TMC1: variants seen among roughly 807,000 people sequenced by gnomAD.
TMC1 encodes the protein transmembrane channel like 1, also known as transmembrane channel-like protein 1.
Under a neutral mutation model 105.8 loss-of-function variants are expected in TMC1, and 84 were observed. The ratio of observed to expected loss-of-function variants is 0.79; its 90% confidence interval spans 0.67 to 0.95. TMC1 has a LOEUF of 0.95. TMC1 is among the 40% of genes least tolerant of loss of function. The pLI, the probability that TMC1 is intolerant of heterozygous loss-of-function variation, is 0.00. For missense variants in TMC1, 817 were observed against 914.1 expected (o/e 0.89, Z 1.37); for synonymous variants, 315 against 311.5 (o/e 1.01, Z -0.12).
intron 1 of TMC1, among the ~76,000 whole-genome samples, chr9:72,575,317 A>C (rs1383609501): frequency 6.6e-6 from 1 of 152,100 alleles, no homozygotes; most frequent in East Asian, 1.9e-4. Flanking sequence ...AGTAGCTAGG[A>C]CTACAGGCAC....
chr9:72,549,179 C>G (rs999980890), intron 1 of TMC1, among the ~76,000 whole-genome samples: 3 of 152,224 alleles, frequency 2.0e-5, no homozygotes, highest in African/African-American at 7.2e-5. Context: ...TTATTGTACA[C>G]TCATGTATTC....
chr9:72,690,864 C>T (rs1826453992), intron 6 of TMC1, among the ~76,000 whole-genome samples: 1 of 151,986 alleles, frequency 6.6e-6, no homozygotes, highest in Admixed American at 6.6e-5. Flanking sequence ...ATTTTCTTTC[C>T]CAGATTTGGG....
intron 18 of TMC1, among the ~76,000 whole-genome samples, chr9:72,808,231 GCTT>G (rs1250473963): frequency 6.6e-6 from 1 of 152,090 alleles, no homozygotes; most frequent in Non-Finnish European, 1.5e-5. Context: ...GTTCACATGG[GCTT>G]CTTTTTATGC....
chr9:72,626,979 G>A (rs1160269107), intron 3 of TMC1, among the ~76,000 whole-genome samples: 1 of 148,558 alleles, frequency 6.7e-6, no homozygotes, highest in Non-Finnish European at 1.5e-5. Flanking sequence ...TATTTTTAAT[G>A]TTATACTTTA....
intron 17 of TMC1, among the ~76,000 whole-genome samples, chr9:72,792,898 A>G (rs888409699): frequency 6.6e-6 from 1 of 152,194 alleles, no homozygotes; most frequent in African/African-American, 2.4e-5. Context: ...AACTTGACCC[A>G]TGGAGAGCAG....
At chr9:72,681,243 A>G (rs759534283) in intron 5 of TMC1, among the ~76,000 whole-genome samples, 1 of 152,148 alleles carries the variant, frequency 6.6e-6, no homozygotes, top group Non-Finnish European at 1.5e-5. Flanking sequence ...CTGAATATAT[A>G]TTATGACAGC....
intron 3 of TMC1, among the ~76,000 whole-genome samples, chr9:72,622,793 G>C (rs1422579128): frequency 6.6e-6 from 1 of 152,094 alleles, no homozygotes; most frequent in Non-Finnish European, 1.5e-5. Flanking sequence ...GTTCATGCCT[G>C]TAATCCCAGC....
At chr9:72,702,981 G>GT (rs895129348) in intron 8 of TMC1, among the ~76,000 whole-genome samples, 19 of 151,826 alleles carry the variant, frequency 1.3e-4, no homozygotes, top group Non-Finnish European at 1.8e-4. Flanking sequence ...CTAGACATAG[G>GT]TTTTTTTATT....
chr9:72,819,818 T>A (rs1828840729), intron 19 of TMC1, among the ~76,000 whole-genome samples: 1 of 152,234 alleles, frequency 6.6e-6, no homozygotes, highest in African/African-American at 2.4e-5. Context: ...TAGGACAGTT[T>A]AAAAGACAGG....
At chr9:72,714,035 C>T (rs1297061550) in intron 8 of TMC1, among the ~76,000 whole-genome samples, 1 of 152,242 alleles carries the variant, frequency 6.6e-6, no homozygotes, top group East Asian at 1.9e-4. Flanking sequence ...ACCCAGTAGT[C>T]ATTTAGGAAC....
At chr9:72,561,871 A>C (rs920449782) in intron 1 of TMC1, among the ~76,000 whole-genome samples, 1 of 152,110 alleles carries the variant, frequency 6.6e-6, no homozygotes, top group African/African-American at 2.4e-5. Context: ...AGCGGGGTGC[A>C]GTGGCTCAAG....
intron 1 of TMC1, among the ~76,000 whole-genome samples, chr9:72,558,461 A>G (rs1823982628): frequency 6.6e-6 from 1 of 152,192 alleles, no homozygotes; most frequent in African/African-American, 2.4e-5. Flanking sequence ...TATCTGGATG[A>G]ACTCTCACAA....
intron 3 of TMC1, among the ~76,000 whole-genome samples, chr9:72,621,227 C>T (rs1447211145): frequency 6.6e-6 from 1 of 152,188 alleles, no homozygotes; most frequent in Non-Finnish European, 1.5e-5. Context: ...TTTACATACA[C>T]ATTGAAAACA....
chr9:72,677,486 C>A (rs932464769), intron 5 of TMC1, among the ~76,000 whole-genome samples: 6 of 152,142 alleles, frequency 3.9e-5, no homozygotes, highest in Admixed American at 2.6e-4. Flanking sequence ...TATCTAGGCA[C>A]TTTGGCCCAG....
intron 1 of TMC1, among the ~76,000 whole-genome samples, chr9:72,543,940 T>TTC (rs1554710173): frequency 8.7e-4 from 104 of 120,038 alleles, no homozygotes; most frequent in Non-Finnish European, 1.2e-3. Context: ...TTCTTTTTCT[T>TTC]TTTCTTTCTT....
At chr9:72,673,451 A>C (rs1826155345) in intron 5 of TMC1, among the ~76,000 whole-genome samples, 1 of 152,160 alleles carries the variant, frequency 6.6e-6, no homozygotes, top group Non-Finnish European at 1.5e-5. Context: ...TTGATAAACC[A>C]CTGGTCAAGA....
chr9:72,572,586 C>G (rs1365031981), intron 1 of TMC1, among the ~76,000 whole-genome samples: 2 of 152,200 alleles, frequency 1.3e-5, no homozygotes, highest in Non-Finnish European at 2.9e-5. Flanking sequence ...CCATGCTAGG[C>G]ATTGACAAAT....
At chr9:72,692,251 G>A (rs537756627) in intron 6 of TMC1, among the ~76,000 whole-genome samples, 1 of 152,308 alleles carries the variant, frequency 6.6e-6, no homozygotes, top group South Asian at 2.1e-4. Flanking sequence ...AAATCAGAAT[G>A]TTGAACACAT....
At chr9:72,542,185 G>A (rs963482435) in intron 1 of TMC1, among the ~76,000 whole-genome samples, 2 of 152,164 alleles carry the variant, frequency 1.3e-5, no homozygotes, top group Non-Finnish European at 2.9e-5. Flanking sequence ...AAAGGGCCCG[G>A]CGCGGTGGCT....
Sources: allele counts gnomAD v4.1 joint callset (sites outside exome capture counted in the v4.1 genomes callset), GRCh38; gene constraint gnomAD v4.1.1; transcripts MANE v1.5; gene names NCBI Gene and HGNC (gene_info 2026-07-23, HGNC 2026-07-21).